CAPZA2: variants seen among roughly 807,000 people sequenced by gnomAD.
The protein encoded by CAPZA2 is F-actin-capping protein subunit alpha-2.
A neutral mutation model predicts 44.0 loss-of-function variants in CAPZA2; 13 were observed. The observed-to-expected ratio is 0.30, with a 90% CI of 0.19 to 0.47. The LOEUF is 0.47. CAPZA2 is among the 20% of genes least tolerant of loss of function. CAPZA2 has a pLI of 1.00. For synonymous variants in CAPZA2, 94 were observed against 108.2 expected (o/e 0.87, Z 0.81); for missense variants, 244 against 338.6 (o/e 0.72, Z 2.19).
chr7:116,893,023 C>A lies in CAPZA2; in HGVS notation c.133C>A (p.Leu45Ile). ...DVRLLLNNDN[L>I]LREGAAHAFA... ...TCGGTTACTGCTTAATAATGACAAT[C>A]TTCTCAGGGAAGGAGCAGCCCAGTA... is the stretch of plus-strand genomic sequence containing the variant. The change falls in exon 3 of 10, where the codon CTT becomes ATT. Residue 45 changes from leucine (L) to isoleucine (I), a missense_variant. Transcript: ENST00000361183. 2 of 1,599,054 alleles carry A rather than the reference C, an allele frequency of 1.3e-6. No individual in the cohort carries two copies. The highest frequency in any genetic ancestry group is 1.7e-6 in the Non-Finnish European group (2 of 1,169,986).
chr7:116,911,060 G>GGACAGACA (rs1791589607), intron 7 of CAPZA2, among the ~76,000 whole-genome samples: 1 of 150,840 alleles, frequency 6.6e-6, no homozygotes, highest in Non-Finnish European at 1.5e-5. Context: ...AAAAGGGTTA[G>GGACAGACA]GACAGACAGA....
intron 3 of CAPZA2, among the ~76,000 whole-genome samples, chr7:116,893,441 T>C (rs1796877717): frequency 6.6e-6 from 1 of 152,218 alleles, no homozygotes; most frequent in African/African-American, 2.4e-5. Flanking sequence ...AAAGTGTTTT[T>C]AAAGCACTAA....
At chr7:116,909,935 G>A (rs1466223982) in intron 6 of CAPZA2, 1 of 311,252 alleles carries the variant, frequency 3.2e-6, no homozygotes, top group East Asian at 6.8e-5. Context: ...TGATCAATTA[G>A]TGGCAAACAG....
At chr7:116,900,261 C>T (rs1326373840) in intron 4 of CAPZA2, among the ~76,000 whole-genome samples, 1 of 151,746 alleles carries the variant, frequency 6.6e-6, no homozygotes, top group Non-Finnish European at 1.5e-5. Context: ...GCCTGCTTAT[C>T]AGCATTATCA....
chr7:116,898,755 C>T lies in CAPZA2; in HGVS notation c.156-17C>T. ...TAAATATATAATTTTAAGTAATTGCCATTTTCTTTTTTTTAGTGCATTTGC... is the reference window on the plus strand; with the variant it reads ...TAAATATATAATTTTAAGTAATTGCTATTTTCTTTTTTTTAGTGCATTTGC... On this transcript the variant is annotated splice_polypyrimidine_tract_variant and intron_variant, in intron 3 of 9. Coordinates refer to ENST00000361183, the MANE Select transcript of CAPZA2 (RefSeq NM_006136.3). The T allele has an allele frequency of 6.6e-7, 1 of 1,522,186 alleles. No individual in the cohort carries two copies. Among genetic ancestry groups the T allele is most frequent in the South Asian group, 1.2e-5 (1 of 81,048 alleles). 94.3% of individuals were successfully genotyped at this position (1,522,186 alleles called of 1,614,324 possible). A position where few individuals can be genotyped will look rare whatever the true frequency, so the allele number is the denominator to read the frequency against.
At chr7:116,901,797 G>A (rs1474980318) in intron 4 of CAPZA2, among the ~76,000 whole-genome samples, 1 of 150,882 alleles carries the variant, frequency 6.6e-6, no homozygotes, top group Admixed American at 6.6e-5. Context: ...ATTTGAATTA[G>A]AATCCTGATC....
chr7:116,915,285 A>T (rs1791665153), intron 8 of CAPZA2, among the ~76,000 whole-genome samples: 1 of 151,732 alleles, frequency 6.6e-6, no homozygotes, highest in Non-Finnish European at 1.5e-5. Context: ...CCTGTGCTAC[A>T]GGCTGAGACC....
intron 3 of CAPZA2, among the ~76,000 whole-genome samples, chr7:116,893,663 AT>A (rs1303974594): frequency 6.6e-6 from 1 of 152,200 alleles, no homozygotes; most frequent in Non-Finnish European, 1.5e-5. Flanking sequence ...GGTTGCTACC[AT>A]TTTTATGTAG....
At position 116,899,408 on chromosome 7, in the gene CAPZA2, G is replaced by A. The variant is rs561386472; in HGVS notation, c.219+573G>A. Among the ~76,000 whole-genome samples, 71 of 151,962 alleles carry A rather than the reference G, an allele frequency of 4.7e-4. 1 individual carries two copies. Among genetic ancestry groups the A allele is most frequent in the African/African-American group, 1.7e-3 (71 of 41,516 alleles). ...AGAAGAACTGGTAGGTAGAACATAA[G>A]CGAAAGTGGTTAAGAAAGAACATAA... On this transcript the variant is annotated intron_variant, in intron 4 of 9. Coordinates refer to ENST00000361183, the MANE Select transcript of CAPZA2 (RefSeq NM_006136.3).
At position 116,921,058 on chromosome 7, in the gene CAPZA2, TTAAAG is replaced by T. The variant is rs887013535; in HGVS notation, c.*3194_*3198del. The stretch of plus-strand genomic sequence containing the variant: ...GTACAACCAGTGGATTATAGGTGTG[TTAAAG>T]TAGGGGAACTAGAAAGAATGACCTG... On this transcript the variant is annotated 3_prime_UTR_variant, in exon 10 of 10. Coordinates refer to ENST00000361183, the MANE Select transcript of CAPZA2 (RefSeq NM_006136.3). The T allele has an allele frequency of 2.6e-5, 4 of 152,080 alleles. No individual in the cohort carries two copies. The highest frequency in any genetic ancestry group is 9.7e-5 in the African/African-American group (4 of 41,376). The allele number at this position is 152,080 out of a possible 1,614,324, so 9.4% of individuals were successfully genotyped here. A position where few individuals can be genotyped will look rare whatever the true frequency, so the allele number is the denominator to read the frequency against.
intron 1 of CAPZA2, among the ~76,000 whole-genome samples, chr7:116,881,397 A>G (rs1408757799): frequency 6.6e-6 from 1 of 152,066 alleles, no homozygotes. Flanking sequence ...TTTTTTCCCC[A>G]GTCTTTAAAT....
intron 3 of CAPZA2, among the ~76,000 whole-genome samples, chr7:116,896,642 A>G (rs548987127): frequency 2.0e-5 from 3 of 152,288 alleles, no homozygotes; most frequent in South Asian, 2.1e-4. Flanking sequence ...TGGAAAGGGT[A>G]TAAAAATCTA....
chr7:116,898,384 A>G (rs1796953164), intron 3 of CAPZA2, among the ~76,000 whole-genome samples: 1 of 151,638 alleles, frequency 6.6e-6, no homozygotes, highest in East Asian at 1.9e-4. Context: ...TAGGCCTTTG[A>G]TCAGAGAATG....
intron 1 of CAPZA2, among the ~76,000 whole-genome samples, chr7:116,879,168 A>G (rs1223116766): frequency 6.6e-6 from 1 of 150,460 alleles, no homozygotes; most frequent in East Asian, 2.0e-4. Flanking sequence ...TACTGGGACT[A>G]TGCTAATGCA....
chr7:116,888,250 C>G, intron 2 of CAPZA2, 60 bp downstream of exon 2: 2 of 1,184,482 alleles, frequency 1.7e-6, no homozygotes, highest in South Asian at 1.3e-5. Flanking sequence ...TAAAAGAAAA[C>G]CAAAATAATC....
chr7:116,897,039 A>G (rs954985881), intron 3 of CAPZA2, among the ~76,000 whole-genome samples: 1 of 152,120 alleles, frequency 6.6e-6, no homozygotes, highest in Non-Finnish European at 1.5e-5. Context: ...AACCTATTTC[A>G]TATTACTTGT....
intron 1 of CAPZA2, among the ~76,000 whole-genome samples, chr7:116,881,535 C>A (rs1019943903): frequency 6.6e-6 from 1 of 151,884 alleles, no homozygotes; most frequent in Non-Finnish European, 1.5e-5. Flanking sequence ...GTCAGGAGAT[C>A]AAGACCATCC....
At position 116,895,310 on chromosome 7, in the gene CAPZA2, C is replaced by G. The variant is rs543552469; in HGVS notation, c.155+2265C>G. Among the ~76,000 whole-genome samples, 8 of 151,976 alleles carry G rather than the reference C, an allele frequency of 5.3e-5. No homozygotes were observed. In the East Asian group the frequency reaches 1.5e-3, roughly 29 times the overall value. ...TAGCATGAAATAGTTATACATTTGA[C>G]TCAAGATACGTGAAAGTATGGGACT... On this transcript the variant is annotated intron_variant, in intron 3 of 9. Transcript: ENST00000361183.
chr7:116,888,342 G>T, intron 2 of CAPZA2, 152 bp downstream of exon 2: 1 of 512,272 alleles, frequency 2.0e-6, no homozygotes, highest in Non-Finnish European at 3.4e-6. Context: ...TTTTGTAATG[G>T]CTAGAATATA....
Sources: allele counts gnomAD v4.1 joint callset (sites outside exome capture counted in the v4.1 genomes callset), GRCh38; gene constraint gnomAD v4.1.1; transcripts MANE v1.5; gene names NCBI Gene and HGNC (gene_info 2026-07-23, HGNC 2026-07-21).